The following MTREX variants were observed in gnomAD, a reference collection of about 807,000 sequenced individuals.
The protein encoded by MTREX is Mtr4 exosome RNA helicase.
In MTREX, 76 loss-of-function variants were observed where a neutral mutation model predicts 135.4. The observed-to-expected ratio is 0.56, with a 90% confidence interval of 0.47 to 0.68. MTREX has a LOEUF of 0.68. Among genes scored for constraint, MTREX ranks in the 30% least tolerant of loss-of-function variants. The pLI is 0.00. For synonymous variants in MTREX, 404 were observed against 401.6 expected, an observed-to-expected ratio of 1.01 and a Z score of -0.07; for missense variants, 920 against 1,262.1, an observed-to-expected ratio of 0.73 and a Z score of 4.11.
intron 16 of MTREX, among the ~76,000 whole-genome samples, chr5:55,375,351 C>T (rs907798755): frequency 7.9e-5 from 12 of 152,188 alleles, no homozygotes; most frequent in Non-Finnish European, 8.8e-5. Context: ...ACAGGTACGC[C>T]CCAGGGGGGA....
chr5:55,405,475 A>C lies in MTREX; in HGVS notation c.2532A>C (p.Thr844=). Residue 844 remains threonine, a synonymous_variant, in exon 22 of 27, where the codon ACA becomes ACC. Transcript: ENST00000230640. ...AGCGAGAACTGAAGAAAGCAAGAAC[A>C]GTCCTACAAATGGATGAACTCAAAT... The part of the protein sequence containing the change: ...SAKRELKKAR[T]VLQMDELKCR... 1 of 1,614,032 alleles carries C rather than the reference A, an allele frequency of 6.2e-7. No homozygotes were observed. Among genetic ancestry groups the C allele is most frequent in the Non-Finnish European group, 8.5e-7 (1 of 1,179,902 alleles).
intron 1 of MTREX, among the ~76,000 whole-genome samples, chr5:55,314,747 C>T (rs1011545803): frequency 6.6e-6 from 1 of 152,204 alleles, no homozygotes; most frequent in Admixed American, 6.5e-5. Flanking sequence ...GCACCAGGGG[C>T]TGGTTTCATG....
chr5:55,326,815 A>G (rs1353828675), intron 3 of MTREX, among the ~76,000 whole-genome samples: 1 of 152,152 alleles, frequency 6.6e-6, no homozygotes, highest in Non-Finnish European at 1.5e-5. Context: ...GTCAGCCTTC[A>G]TTAGGTATTT....
intron 1 of MTREX, among the ~76,000 whole-genome samples, chr5:55,316,590 CA>C (rs1305702628): frequency 2.0e-5 from 3 of 152,154 alleles, no homozygotes; most frequent in Non-Finnish European, 4.4e-5. Flanking sequence ...AACACCCCTC[CA>C]TGTTAAAAAC....
intron 26 of MTREX, chr5:55,424,192 G>GT (rs1484671599): frequency 6.6e-6 from 1 of 152,238 alleles, no homozygotes; most frequent in African/African-American, 2.4e-5. Context: ...CCAGGCTGGA[G>GT]TGCAATGGCG....
At chr5:55,420,640 T>C (rs185407173) in intron 25 of MTREX, among the ~76,000 whole-genome samples, 38 of 152,322 alleles carry the variant, frequency 2.5e-4, no homozygotes, top group African/African-American at 8.7e-4. Context: ...ATTTCACTTA[T>C]ATGAAATGTC....
intron 5 of MTREX, among the ~76,000 whole-genome samples, chr5:55,339,802 C>CT (rs1749614991): frequency 6.6e-6 from 1 of 152,152 alleles, no homozygotes; most frequent in Non-Finnish European, 1.5e-5. Flanking sequence ...TGCATTAACT[C>CT]TGAGTGACCG....
chr5:55,354,549 G>A (rs553917810), intron 14 of MTREX, among the ~76,000 whole-genome samples: 2 of 152,182 alleles, frequency 1.3e-5, no homozygotes, highest in Non-Finnish European at 2.9e-5. Context: ...TGTAAATAAA[G>A]GCGAAACATT....
At chr5:55,339,379 A>C (rs1005726770) in intron 5 of MTREX, among the ~76,000 whole-genome samples, 2 of 152,204 alleles carry the variant, frequency 1.3e-5, no homozygotes, top group Non-Finnish European at 2.9e-5. Context: ...TATTTCCCCA[A>C]ATACATTATA....
intron 21 of MTREX, among the ~76,000 whole-genome samples, chr5:55,404,338 A>T (rs552221355): frequency 1.2e-4 from 18 of 152,298 alleles, no homozygotes; most frequent in African/African-American, 4.3e-4. Flanking sequence ...TTTAAAACTT[A>T]TCTACTCTAA....
At chr5:55,409,023 C>T (rs962254293) in intron 22 of MTREX, among the ~76,000 whole-genome samples, 1 of 152,008 alleles carries the variant, frequency 6.6e-6, no homozygotes, top group Non-Finnish European at 1.5e-5. Flanking sequence ...AAGATCATGG[C>T]TCAGTGCAGT....
chr5:55,382,783 C>G (rs1750416997), intron 18 of MTREX, among the ~76,000 whole-genome samples: 1 of 152,114 alleles, frequency 6.6e-6, no homozygotes, highest in African/African-American at 2.4e-5. Flanking sequence ...CAGGCTCACG[C>G]CACCACACCC....
At chr5:55,385,378 G>C (rs184789058) in intron 18 of MTREX, among the ~76,000 whole-genome samples, 1 of 152,154 alleles carries the variant, frequency 6.6e-6, no homozygotes, top group African/African-American at 2.4e-5. Flanking sequence ...ACGAAGGGGA[G>C]CCTCTACCTT....
chr5:55,380,327 A>G (rs1275719774), intron 18 of MTREX, among the ~76,000 whole-genome samples: 1 of 152,058 alleles, frequency 6.6e-6, no homozygotes, highest in Admixed American at 6.6e-5. Context: ...CATTTAGTAT[A>G]TTTGCAGATA....
intron 1 of MTREX, 147 bp downstream of exon 1, chr5:55,308,294 G>A (rs978868186): frequency 4.1e-5 from 39 of 950,816 alleles, no homozygotes; most frequent in Non-Finnish European, 5.1e-5. Context: ...GTTGGAGAGG[G>A]TGGAAGAATG....
chr5:55,343,614 A>G (rs1336513022), intron 8 of MTREX, among the ~76,000 whole-genome samples, 159 bp downstream of exon 8: 1 of 152,194 alleles, frequency 6.6e-6, no homozygotes. Flanking sequence ...ATCAAAATCA[A>G]CTGACTGACT....
chr5:55,334,689 G>A (rs1370987228), intron 5 of MTREX, among the ~76,000 whole-genome samples: 1 of 151,980 alleles, frequency 6.6e-6, no homozygotes, highest in Non-Finnish European at 1.5e-5. Flanking sequence ...ACCAGTTTTA[G>A]AAGACTTCCA....
At chr5:55,383,054 A>G (rs1021236681) in intron 18 of MTREX, among the ~76,000 whole-genome samples, 1 of 152,188 alleles carries the variant, frequency 6.6e-6, no homozygotes, top group Non-Finnish European at 1.5e-5. Flanking sequence ...GATTCATGTT[A>G]CTACCTGGAG....
chr5:55,425,024 C>A lies in MTREX; in HGVS notation c.*252C>A, dbSNP rs1751133776. On this transcript the variant is annotated 3_prime_UTR_variant, in exon 27 of 27. Coordinates refer to ENST00000230640, the MANE Select transcript of MTREX (RefSeq NM_015360.5). ...TGGAGTTTTTTTAATGAGTTTAGAGCTATTAGATAACCACTGAGTTAAAGG... is the reference window on the plus strand; with the variant it reads ...TGGAGTTTTTTTAATGAGTTTAGAGATATTAGATAACCACTGAGTTAAAGG... 17 of 832,806 alleles carry A rather than the reference C, an allele frequency of 2.0e-5. No individual in the cohort carries two copies. The South Asian group carries it at 2.6e-4, about 13-fold the overall frequency. 51.6% of individuals were successfully genotyped at this position (832,806 alleles called of 1,614,324 possible).
Sources: allele counts gnomAD v4.1 joint callset (sites outside exome capture counted in the v4.1 genomes callset), GRCh38; gene constraint gnomAD v4.1.1; transcripts MANE v1.5; gene names NCBI Gene and HGNC (gene_info 2026-07-23, HGNC 2026-07-21).